Variants in GNAQ observed in about 807,000 individuals in gnomAD.
GNAQ encodes guanine nucleotide-binding protein G(q) subunit alpha.
Under a neutral mutation model 43.9 loss-of-function variants are expected in GNAQ, and 8 were observed. The ratio of observed to expected loss-of-function variants is 0.18; its 90% CI spans 0.11 to 0.33. The LOEUF is 0.33. Among genes scored for constraint, GNAQ ranks in the 10% least tolerant of loss-of-function variants. The pLI is 1.00. For missense variants in GNAQ, 158 were observed against 450.8 expected (o/e 0.35, Z 5.88); for synonymous variants, 155 against 170.7 (o/e 0.91, Z 0.71).
chr9:77,884,943 C>T (rs971492509), intron 2 of GNAQ, among the ~76,000 whole-genome samples: 1 of 152,152 alleles, frequency 6.6e-6, no homozygotes, highest in Admixed American at 6.6e-5. Flanking sequence ...TGCGGAAATA[C>T]ACCCATTTCT....
intron 2 of GNAQ, among the ~76,000 whole-genome samples, chr9:77,855,760 T>C (rs1414420606): frequency 1.3e-5 from 2 of 150,620 alleles, no homozygotes; most frequent in Non-Finnish European, 3.0e-5. Flanking sequence ...TAAAATGAAC[T>C]CTCAAAAAAA....
chr9:77,889,579 T>C (rs759052916), intron 2 of GNAQ, among the ~76,000 whole-genome samples: 1 of 152,156 alleles, frequency 6.6e-6, no homozygotes, highest in African/African-American at 2.4e-5. Flanking sequence ...CCAATGCTTA[T>C]TGGACACATG....
chr9:77,892,301 A>C (rs1828419157), intron 2 of GNAQ, among the ~76,000 whole-genome samples: 1 of 152,034 alleles, frequency 6.6e-6, no homozygotes, highest in South Asian at 2.1e-4. Context: ...TTCCCCTTTC[A>C]CAAGTACCTT....
intron 2 of GNAQ, among the ~76,000 whole-genome samples, chr9:77,891,112 AC>A (rs1828398102): frequency 6.6e-6 from 1 of 152,220 alleles, no homozygotes; most frequent in African/African-American, 2.4e-5. Context: ...TATAAAATGC[AC>A]TGAAGTCAGC....
intron 1 of GNAQ, among the ~76,000 whole-genome samples, chr9:78,020,342 G>A (rs1005986385): frequency 6.6e-6 from 1 of 152,076 alleles, no homozygotes; most frequent in Non-Finnish European, 1.5e-5. Flanking sequence ...AAACATGGAG[G>A]AAACATGTTG....
chr9:77,971,388 C>A (rs1368079952), intron 1 of GNAQ, among the ~76,000 whole-genome samples: 1 of 152,186 alleles, frequency 6.6e-6, no homozygotes, highest in East Asian at 1.9e-4. Context: ...CAATAAAATA[C>A]TGGCAAACCA....
At chr9:77,754,159 C>A (rs10123004) in intron 5 of GNAQ, among the ~76,000 whole-genome samples, 1 of 152,194 alleles carries the variant, frequency 6.6e-6, no homozygotes, top group Non-Finnish European at 1.5e-5. Flanking sequence ...CATAGGCAGG[C>A]CTTCCTCAGG....
chr9:77,810,207 CATCT>C (rs10578686), intron 3 of GNAQ, among the ~76,000 whole-genome samples: 39,672 of 144,592 alleles, frequency 0.27, 5,513 homozygotes, highest in Middle Eastern at 0.32. Flanking sequence ...AACTGTCAAT[CATCT>C]ATCTATCTAT....
At chr9:78,007,741 C>T (rs554854286) in intron 1 of GNAQ, among the ~76,000 whole-genome samples, 52 of 152,350 alleles carry the variant, frequency 3.4e-4, no homozygotes, top group Admixed American at 8.5e-4. Context: ...TCCATCCAAT[C>T]CCTATCTTGT....
chr9:77,850,918 AC>A (rs1412840755), intron 2 of GNAQ, among the ~76,000 whole-genome samples: 1 of 151,874 alleles, frequency 6.6e-6, no homozygotes, highest in African/African-American at 2.4e-5. Flanking sequence ...CATCTGTCTC[AC>A]ACAGGGTCTT....
intron 2 of GNAQ, among the ~76,000 whole-genome samples, chr9:77,828,080 A>AAAAAAAAAAAAAAG (rs1827233207): frequency 6.9e-6 from 1 of 144,122 alleles, no homozygotes; most frequent in Non-Finnish European, 1.5e-5. Context: ...AAAAAAAAAA[A>AAAAAAAAAAAAAAG]AAAAAAAAAA....
At chr9:77,917,293 T>C (rs1396832495) in intron 2 of GNAQ, among the ~76,000 whole-genome samples, 1 of 152,152 alleles carries the variant, frequency 6.6e-6, no homozygotes, top group Non-Finnish European at 1.5e-5. Context: ...ATCCTTTCCT[T>C]TTTAATTAAG....
At chr9:77,768,743 C>T (rs1043672840) in intron 5 of GNAQ, among the ~76,000 whole-genome samples, 1 of 152,142 alleles carries the variant, frequency 6.6e-6, no homozygotes, top group Admixed American at 6.5e-5. Flanking sequence ...CCTAAAGCAA[C>T]CTGGTGGATT....
In GNAQ at chr9:78,019,436, T is replaced by C. The variant is rs72738434; in HGVS notation, c.136+11664A>G. Among the ~76,000 whole-genome samples, 1,183 of 152,298 alleles carry C rather than the reference T, an allele frequency of 7.8e-3. 9 individuals are homozygous for C. The highest frequency in any genetic ancestry group is 0.011 in the Non-Finnish European group (751 of 68,020). Reference sequence around the variant, plus strand: ...ATGTCAGAGCCAAACTTGACTCCAATAGGAGATAGTGCTTGCCAATTCATT... The same window carrying C: ...ATGTCAGAGCCAAACTTGACTCCAACAGGAGATAGTGCTTGCCAATTCATT... On this transcript the variant is annotated intron_variant, in intron 1 of 6. Coordinates refer to ENST00000286548, the MANE Select transcript of GNAQ (RefSeq NM_002072.5).
chr9:77,882,494 T>TACTG, intron 2 of GNAQ, among the ~76,000 whole-genome samples: 1 of 152,344 alleles, frequency 6.6e-6, no homozygotes. Flanking sequence ...TCACTGCTTA[T>TACTG]ACTGGTGAAC....
chr9:77,923,643 C>T (rs968439817), intron 1 of GNAQ, among the ~76,000 whole-genome samples: 1 of 151,962 alleles, frequency 6.6e-6, no homozygotes, highest in East Asian at 1.9e-4. Flanking sequence ...TTACCTTACC[C>T]CAAAAATGTG....
chr9:77,854,215 G>A (rs1276287153), intron 2 of GNAQ, among the ~76,000 whole-genome samples: 1 of 152,066 alleles, frequency 6.6e-6, no homozygotes, highest in African/African-American at 2.4e-5. Flanking sequence ...TTAGCCCAGA[G>A]ATGAATGTGT....
chr9:77,750,738 T>G (rs1184143071), intron 5 of GNAQ, among the ~76,000 whole-genome samples: 1 of 152,174 alleles, frequency 6.6e-6, no homozygotes, highest in Non-Finnish European at 1.5e-5. Context: ...CTCCCTGGGC[T>G]TTTCTTTGTA....
At chr9:78,020,138 C>T (rs181414574) in intron 1 of GNAQ, among the ~76,000 whole-genome samples, 30 of 152,232 alleles carry the variant, frequency 2.0e-4, no homozygotes, top group African/African-American at 7.2e-4. Flanking sequence ...AAGAATATCT[C>T]ATGCTATTGC....
Sources: gnomAD v4.1 joint callset for allele counts (sites outside exome capture counted in the v4.1 genomes callset) on GRCh38, gnomAD v4.1.1 for gene constraint, MANE v1.5 for transcripts, NCBI Gene and HGNC (gene_info 2026-07-23, HGNC 2026-07-21) for gene names.